The following ACTR3C variants were observed in gnomAD, a reference collection of about 807,000 sequenced individuals.
ACTR3C encodes actin related protein 3C, also known as actin-related protein 3C.
In ACTR3C, 18 loss-of-function variants were observed where a neutral mutation model predicts 26.3. That is an observed-to-expected ratio of 0.68 (90% confidence interval 0.47 to 1.01). The LOEUF is 1.01. ACTR3C is among the 50% of genes least tolerant of loss of function. The probability of loss-of-function intolerance (pLI) is 0.00; values close to 1 mark genes in which losing one functional copy is unlikely to be tolerated. For missense variants in ACTR3C, 184 were observed against 250.7 expected, an observed-to-expected ratio of 0.73 and a Z score of 1.80; for synonymous variants, 55 against 94.5, an observed-to-expected ratio of 0.58 and a Z score of 2.42.
At chr7:150,003,130 TTG>T in the ACTR3C span, 4 of 149,892 alleles carry the variant, frequency 2.7e-5, no homozygotes, top group East Asian at 2.0e-4. Flanking sequence ...CAACAGAAGT[TTG>T]TGTGTGTGTG....
chr7:150,238,203 C>T, the ACTR3C span, among the ~76,000 whole-genome samples: 1 of 142,616 alleles, frequency 7.0e-6, no homozygotes, highest in Non-Finnish European at 1.5e-5. Context: ...GCTCAGCATA[C>T]TCATGTTTCA....
downstream of ACTR3C, among the ~76,000 whole-genome samples, chr7:150,242,977 A>G (rs1482576378): frequency 6.6e-6 from 1 of 152,228 alleles, no homozygotes; most frequent in Non-Finnish European, 1.5e-5. Flanking sequence ...GGTCCTGTGC[A>G]ACTTGACAGT....
chr7:150,132,726 T>C, the ACTR3C span, among the ~76,000 whole-genome samples: 341 of 151,722 alleles, frequency 2.2e-3, 3 homozygotes, highest in African/African-American at 7.5e-3. Flanking sequence ...AAATACCATT[T>C]GACCCAGCAA....
the ACTR3C span, among the ~76,000 whole-genome samples, chr7:150,122,327 T>G: frequency 6.6e-6 from 1 of 152,102 alleles, no homozygotes; most frequent in Non-Finnish European, 1.5e-5. Flanking sequence ...GGAGAAAATT[T>G]TTGTAATCTA....
At chr7:150,227,777 G>T in the ACTR3C span, among the ~76,000 whole-genome samples, 2 of 114,500 alleles carry the variant, frequency 1.7e-5, no homozygotes, top group East Asian at 2.6e-4. Context: ...TCATTGACTT[G>T]CCTTTGTTCC....
chr7:150,213,559 G>A, the ACTR3C span, among the ~76,000 whole-genome samples: 2 of 152,132 alleles, frequency 1.3e-5, no homozygotes, highest in African/African-American at 2.4e-5. Context: ...CCATGAAGAG[G>A]AGGAGGAGGC....
At chr7:149,983,460 T>TATATATATATATATATATATAC in the ACTR3C span, among the ~76,000 whole-genome samples, 1 of 124,284 alleles carries the variant, frequency 8.0e-6, no homozygotes, top group Non-Finnish European at 1.6e-5. Context: ...TATATATATA[T>TATATATATATATATATATATAC]ATATGTAGGA....
At chr7:150,032,832 A>G in the ACTR3C span, among the ~76,000 whole-genome samples, 2 of 151,974 alleles carry the variant, frequency 1.3e-5, no homozygotes, top group Non-Finnish European at 2.9e-5. Context: ...GAATGTGTCT[A>G]TCACTGAGAG....
the ACTR3C span, among the ~76,000 whole-genome samples, chr7:150,053,323 C>T: frequency 6.6e-6 from 1 of 152,032 alleles, no homozygotes; most frequent in South Asian, 2.1e-4. Context: ...CCTTTTCAAA[C>T]CACACACTTC....
At chr7:150,275,043 T>C (rs575758512) in intron 6 of ACTR3C, among the ~76,000 whole-genome samples, 2 of 152,328 alleles carry the variant, frequency 1.3e-5, no homozygotes, top group African/African-American at 2.4e-5. Flanking sequence ...AGCCAGAAAG[T>C]ATCTGCTTCA....
At chr7:149,883,537 A>T in the ACTR3C span, among the ~76,000 whole-genome samples, 1 of 152,206 alleles carries the variant, frequency 6.6e-6, no homozygotes, top group African/African-American at 2.4e-5. Context: ...CTGAGAAAAA[A>T]AAGTAAAGGT....
the ACTR3C span, among the ~76,000 whole-genome samples, chr7:150,051,102 CTAAATAAA>C: frequency 8.6e-6 from 1 of 116,712 alleles, no homozygotes; most frequent in African/African-American, 3.3e-5. Context: ...GACTCCATCT[CTAAATAAA>C]TAAATAAATA....
At chr7:150,151,057 T>TAC in the ACTR3C span, among the ~76,000 whole-genome samples, 569 of 62,590 alleles carry the variant, frequency 9.1e-3, 17 homozygotes, top group African/African-American at 0.055. Flanking sequence ...TAAAACTATA[T>TAC]TTTCCTTCTA....
chr7:150,322,444 T>G (rs1174999361), intron 1 of ACTR3C, among the ~76,000 whole-genome samples: 1 of 152,226 alleles, frequency 6.6e-6, no homozygotes, highest in Non-Finnish European at 1.5e-5. Context: ...CACTGCTCAT[T>G]ATGCACTAAT....
the ACTR3C span, chr7:150,047,995 C>T: frequency 1.0e-4 from 120 of 1,193,648 alleles, no homozygotes; most frequent in Non-Finnish European, 1.2e-4. Context: ...CCAGCGCCGG[C>T]GACCGCTCCT....
the ACTR3C span, among the ~76,000 whole-genome samples, chr7:150,035,870 G>A: frequency 7.3e-6 from 1 of 136,582 alleles, no homozygotes; most frequent in East Asian, 2.1e-4. Flanking sequence ...GGTACCAACA[G>A]CCAGGGGCGG....
chr7:149,991,136 C>T, the ACTR3C span, among the ~76,000 whole-genome samples: 2 of 152,198 alleles, frequency 1.3e-5, no homozygotes, highest in African/African-American at 2.4e-5. Flanking sequence ...TACACGGCAG[C>T]AGACAAAGAC....
the ACTR3C span, among the ~76,000 whole-genome samples, chr7:149,997,621 G>T: frequency 6.6e-6 from 1 of 151,010 alleles, no homozygotes; most frequent in Non-Finnish European, 1.5e-5. Flanking sequence ...ATAAAGGCAG[G>T]ATAATAGAGT....
the ACTR3C span, among the ~76,000 whole-genome samples, chr7:150,152,948 G>A: frequency 2.0e-5 from 3 of 152,168 alleles, no homozygotes; most frequent in East Asian, 5.8e-4. Flanking sequence ...AGTATTCTCT[G>A]ATGGTAGTTT....
Sources: gnomAD v4.1 joint callset for allele counts (sites outside exome capture counted in the v4.1 genomes callset) on GRCh38, gnomAD v4.1.1 for gene constraint, MANE v1.5 for transcripts, NCBI Gene and HGNC (gene_info 2026-07-23, HGNC 2026-07-21) for gene names.